The following ZPLD1 variants were observed in gnomAD, a reference collection of about 807,000 sequenced individuals.
ZPLD1 encodes zona pellucida-like domain-containing protein 1.
ZPLD1 carries 34 observed loss-of-function variants against 47.2 expected under a neutral mutation model. That is an observed-to-expected ratio of 0.72 (90% CI 0.55 to 0.96). The LOEUF (loss-of-function observed/expected upper bound fraction) is 0.96. Ranked by LOEUF, ZPLD1 falls within the 40% of genes least tolerant of loss-of-function variation. The pLI, the probability that ZPLD1 is intolerant of heterozygous loss-of-function variation, is 0.00. For synonymous variants in ZPLD1, 176 were observed against 186.2 expected (o/e 0.95, Z 0.45); for missense variants, 512 against 505.8 (o/e 1.01, Z -0.12).
intron 6 of ZPLD1, among the ~76,000 whole-genome samples, chr3:102,389,099 T>A (rs1706467767): frequency 6.6e-6 from 1 of 152,206 alleles, no homozygotes; most frequent in African/African-American, 2.4e-5. Flanking sequence ...ATGTGGATAA[T>A]GTTTGCACAC....
chr3:102,390,382 C>T (rs1449019423), intron 6 of ZPLD1, among the ~76,000 whole-genome samples: 4 of 152,150 alleles, frequency 2.6e-5, no homozygotes, highest in Admixed American at 1.3e-4. Context: ...CAGCATGTAA[C>T]CACATTTTAT....
intron 7 of ZPLD1, among the ~76,000 whole-genome samples, chr3:102,405,662 G>T (rs1245865788): frequency 6.6e-6 from 1 of 151,986 alleles, no homozygotes; most frequent in Non-Finnish European, 1.5e-5. Context: ...ACTTATACTA[G>T]CATGTTCCAT....
chr3:102,445,821 A>G (rs934448302), intron 3 of ZPLD1, among the ~76,000 whole-genome samples: 5 of 152,206 alleles, frequency 3.3e-5, no homozygotes, highest in African/African-American at 1.2e-4. Flanking sequence ...TTAAAAATTC[A>G]TTTTTAATGG....
At chr3:102,458,647 A>G (rs151081053) in intron 6 of ZPLD1, among the ~76,000 whole-genome samples, 5 of 152,346 alleles carry the variant, frequency 3.3e-5, no homozygotes, top group African/African-American at 1.2e-4. Context: ...ATAATGAGCT[A>G]TAAATATTGT....
intron 3 of ZPLD1, among the ~76,000 whole-genome samples, chr3:102,442,619 G>C (rs1707198578): frequency 6.6e-6 from 1 of 152,030 alleles, no homozygotes; most frequent in African/African-American, 2.4e-5. Context: ...ATGTCATCAG[G>C]AGCTCCACAA....
intron 7 of ZPLD1, among the ~76,000 whole-genome samples, chr3:102,403,905 T>C (rs1182445307): frequency 6.6e-6 from 1 of 152,014 alleles, no homozygotes; most frequent in African/African-American, 2.4e-5. Context: ...CTTAATTCCA[T>C]GTATCAGAGA....
intron 6 of ZPLD1, among the ~76,000 whole-genome samples, chr3:102,459,503 AT>A: frequency 6.6e-6 from 1 of 152,184 alleles, no homozygotes; most frequent in Non-Finnish European, 1.5e-5. Context: ...TTCTTTTATC[AT>A]TAAGAGATGG....
chr3:102,425,815 T>G (rs766085869), intron 8 of ZPLD1, among the ~76,000 whole-genome samples: 1 of 151,812 alleles, frequency 6.6e-6, no homozygotes, highest in Non-Finnish European at 1.5e-5. Flanking sequence ...TGACAACATT[T>G]ACTTTGATCC....
At chr3:102,440,456 T>C (rs867520541) in intron 3 of ZPLD1, among the ~76,000 whole-genome samples, 2 of 152,104 alleles carry the variant, frequency 1.3e-5, no homozygotes, top group Non-Finnish European at 2.9e-5. Context: ...TGGATGTTGA[T>C]GCTGTTAACT....
At chr3:102,389,531 T>C (rs1706472547) in intron 6 of ZPLD1, among the ~76,000 whole-genome samples, 1 of 152,200 alleles carries the variant, frequency 6.6e-6, no homozygotes, top group African/African-American at 2.4e-5. Context: ...AGGCCCTGAA[T>C]AATCTAAAAG....
At chr3:102,423,859 G>T (rs1309159131) in intron 8 of ZPLD1, among the ~76,000 whole-genome samples, 4 of 152,108 alleles carry the variant, frequency 2.6e-5, no homozygotes, top group African/African-American at 7.2e-5. Flanking sequence ...TAAGCAGCGT[G>T]CTAGCCATGG....
intron 4 of ZPLD1, among the ~76,000 whole-genome samples, chr3:102,455,455 G>A (rs189409461): frequency 6.6e-6 from 1 of 152,264 alleles, no homozygotes; most frequent in East Asian, 1.9e-4. Flanking sequence ...CCATCTATAA[G>A]CTATTGTCCT....
intron 10 of ZPLD1, 75 bp from the exon 11 acceptor site, chr3:102,476,937 T>C (rs369907427): frequency 8.3e-5 from 125 of 1,511,646 alleles, no homozygotes; most frequent in Non-Finnish European, 1.1e-4. Flanking sequence ...TACAATGTAA[T>C]TATTAATCAG....
intron 8 of ZPLD1, among the ~76,000 whole-genome samples, chr3:102,464,942 C>T (rs1707568647): frequency 6.6e-6 from 1 of 152,148 alleles, no homozygotes; most frequent in African/African-American, 2.4e-5. Context: ...TGGCTCAGCT[C>T]ACTGCAGCTA....
Position 102,436,926 on chromosome 3 carries a change from G to A in ZPLD1, c.-56G>A, listed in dbSNP as rs767043687. ...TTCCAATGTCTTCCAGGAGTTCTTG[G>A]GACCCATCATGAGAAGGAAGTGGTG... is the stretch of plus-strand genomic sequence containing the variant. On this transcript the variant is annotated 5_prime_UTR_variant, in exon 2 of 12. It introduces an in-frame stop codon into an upstream open reading frame of the 5' UTR. Transcript: ENST00000466937. The A allele has an allele frequency of 1.5e-4, 144 of 985,394 alleles. No homozygotes were observed. Among genetic ancestry groups the A allele is most frequent in the Non-Finnish European group, 1.6e-4 (132 of 830,010 alleles). 61.0% of individuals were successfully genotyped at this position (985,394 alleles called of 1,614,324 possible). A position where few individuals can be genotyped will look rare whatever the true frequency, so the allele number is the denominator to read the frequency against.
chr3:102,404,126 A>G (rs909018771), intron 7 of ZPLD1, among the ~76,000 whole-genome samples: 14 of 151,986 alleles, frequency 9.2e-5, no homozygotes, highest in African/African-American at 1.9e-4. Flanking sequence ...CAGAGCTTCA[A>G]TAAGAGTGCT....
At chr3:102,424,132 A>G (rs139814728) in intron 8 of ZPLD1, among the ~76,000 whole-genome samples, 1 of 152,300 alleles carries the variant, frequency 6.6e-6, no homozygotes, top group East Asian at 1.9e-4. Context: ...AAAGGAAACG[A>G]TGGCTCAGTC....
intron 8 of ZPLD1, among the ~76,000 whole-genome samples, chr3:102,426,828 G>A (rs1706954327): frequency 6.6e-6 from 1 of 152,180 alleles, no homozygotes; most frequent in South Asian, 2.1e-4. Flanking sequence ...TTTTGTGGAT[G>A]TAGTTTTATT....
At chr3:102,419,275 T>G (rs1363193391) in intron 8 of ZPLD1, among the ~76,000 whole-genome samples, 1 of 151,978 alleles carries the variant, frequency 6.6e-6, no homozygotes, top group African/African-American at 2.4e-5. Flanking sequence ...TTTCAGAACT[T>G]TCATTTGAAT....
Sources: gnomAD v4.1 joint callset for allele counts (sites outside exome capture counted in the v4.1 genomes callset) on GRCh38, gnomAD v4.1.1 for gene constraint, MANE v1.5 for transcripts, NCBI Gene and HGNC (gene_info 2026-07-23, HGNC 2026-07-21) for gene names.